The following KCNH8 variants were observed in gnomAD, a reference collection of about 807,000 sequenced individuals.
The protein encoded by KCNH8 is potassium voltage-gated channel subfamily H member 8.
In KCNH8, 70 loss-of-function variants were observed where a neutral mutation model predicts 103.6. The ratio of observed to expected loss-of-function variants is 0.68; its 90% CI spans 0.56 to 0.82. The LOEUF (loss-of-function observed/expected upper bound fraction) is 0.82, where lower values mean the gene tolerates loss of function less well. KCNH8 is among the 40% of genes least tolerant of loss of function. The probability of loss-of-function intolerance (pLI) is 0.00; values close to 1 mark genes in which losing one functional copy is unlikely to be tolerated. For synonymous variants in KCNH8, 498 were observed against 489.4 expected, an observed-to-expected ratio of 1.02 and a Z score of -0.23; for missense variants, 1,217 against 1,329.9, an observed-to-expected ratio of 0.92 and a Z score of 1.32.
At chr3:19,276,985 T>G (rs1333448925) in intron 2 of KCNH8, among the ~76,000 whole-genome samples, 3 of 152,090 alleles carry the variant, frequency 2.0e-5, no homozygotes, top group Non-Finnish European at 4.4e-5. Context: ...GGATAAAGTG[T>G]GATATATATA....
intron 1 of KCNH8, among the ~76,000 whole-genome samples, chr3:19,230,215 T>A (rs2063978446): frequency 6.6e-6 from 1 of 152,192 alleles, no homozygotes; most frequent in Admixed American, 6.5e-5. Context: ...GGAGTACAGT[T>A]CAACATGAGA....
chr3:19,204,998 T>C (rs1209845734), intron 1 of KCNH8, among the ~76,000 whole-genome samples: 5 of 151,998 alleles, frequency 3.3e-5, no homozygotes, highest in Non-Finnish European at 5.9e-5. Flanking sequence ...AGGGGGCATA[T>C]GGTCATACAA....
At position 19,421,788 on chromosome 3, in the gene KCNH8, A is replaced by AT. The variant is rs565618965; in HGVS notation, c.1178-16370dup. On this transcript the variant is annotated intron_variant, in intron 7 of 15. Transcript: ENST00000328405. ...TGCATTTTTAGCCATTGTTAATTTTATTTTTTATTATTTCTACTAAGTCTA... is the reference window on the plus strand; with the variant it reads ...TGCATTTTTAGCCATTGTTAATTTTATTTTTTTATTATTTCTACTAAGTCTA... Among the ~76,000 whole-genome samples, 1,507 of 152,054 alleles carry AT rather than the reference A, an allele frequency of 9.9e-3. 10 individuals are homozygous for AT. Among genetic ancestry groups the AT allele is most frequent in the South Asian group, 0.034 (163 of 4,826 alleles).
chr3:19,482,665 T>A (rs1340119544), intron 11 of KCNH8, among the ~76,000 whole-genome samples: 1 of 152,246 alleles, frequency 6.6e-6, no homozygotes, highest in Non-Finnish European at 1.5e-5. Flanking sequence ...GGCCTTAGGA[T>A]TAAATCCATG....
intron 1 of KCNH8, among the ~76,000 whole-genome samples, chr3:19,230,250 C>T (rs2125237488): frequency 6.6e-6 from 1 of 152,228 alleles, no homozygotes; most frequent in South Asian, 2.1e-4. Flanking sequence ...CAGAGCCAAA[C>T]CATATCAGAT....
intron 5 of KCNH8, among the ~76,000 whole-genome samples, chr3:19,361,946 G>A (rs1461210800): frequency 6.6e-6 from 1 of 152,016 alleles, no homozygotes; most frequent in Non-Finnish European, 1.5e-5. Context: ...TACAAGATCT[G>A]GTTAATTACT....
chr3:19,280,421 C>G (rs890222693), intron 2 of KCNH8, among the ~76,000 whole-genome samples: 1 of 152,102 alleles, frequency 6.6e-6, no homozygotes, highest in African/African-American at 2.4e-5. Context: ...GAATGCCTTT[C>G]TAATCACAAT....
intron 13 of KCNH8, among the ~76,000 whole-genome samples, chr3:19,514,816 G>A (rs2068845896): frequency 6.6e-6 from 1 of 151,848 alleles, no homozygotes; most frequent in African/African-American, 2.4e-5. Context: ...ATTTAGGTCA[G>A]AGGACTTTTG....
At chr3:19,314,874 A>G (rs2125299567) in intron 3 of KCNH8, 1 of 154,310 alleles carries the variant, frequency 6.5e-6, no homozygotes, top group South Asian at 2.0e-4. Context: ...ACTGCACATA[A>G]TCCCATTGAA....
intron 11 of KCNH8, among the ~76,000 whole-genome samples, chr3:19,498,079 C>A (rs1451664987): frequency 6.6e-6 from 1 of 152,112 alleles, no homozygotes; most frequent in Non-Finnish European, 1.5e-5. Context: ...TTCCTGTTTT[C>A]CATTTGCTTG....
rs150144358 is a variant in KCNH8, at chr3:19,463,077, A to G, written c.2040+6095A>G. On this transcript the variant is annotated intron_variant, in intron 11 of 15. Transcript: ENST00000328405. ...TATAACAACTATTTACATAGAATTT[A>G]CATTGTATTAGGTATTATAAGTAAT... Among the ~76,000 whole-genome samples the G allele has an allele frequency of 2.6e-3, 394 of 152,326 alleles. 4 individuals carry two copies. Among genetic ancestry groups the G allele is most frequent in the African/African-American group, 9.0e-3 (376 of 41,590 alleles).
intron 3 of KCNH8, among the ~76,000 whole-genome samples, chr3:19,293,513 C>T (rs531929443): frequency 1.3e-5 from 2 of 152,178 alleles, no homozygotes; most frequent in South Asian, 2.1e-4. Flanking sequence ...TTAGACCTTT[C>T]GATCAGAATC....
intron 11 of KCNH8, among the ~76,000 whole-genome samples, chr3:19,459,546 T>A (rs1025201681): frequency 2.0e-5 from 3 of 152,136 alleles, no homozygotes; most frequent in Non-Finnish European, 4.4e-5. Context: ...TCCCATTCTG[T>A]AGATTGTCTC....
At chr3:19,159,390 A>T (rs1006836552) in intron 1 of KCNH8, among the ~76,000 whole-genome samples, 1 of 151,988 alleles carries the variant, frequency 6.6e-6, no homozygotes, top group Non-Finnish European at 1.5e-5. Context: ...ATGTACATAT[A>T]TTGGAATTTA....
intron 7 of KCNH8, among the ~76,000 whole-genome samples, chr3:19,403,322 ACTTT>A (rs895281607): frequency 6.9e-6 from 1 of 143,988 alleles, no homozygotes; most frequent in Non-Finnish European, 1.5e-5. Context: ...ACAATTACTC[ACTTT>A]CTTCTGTTCC....
intron 3 of KCNH8, among the ~76,000 whole-genome samples, chr3:19,304,617 G>A (rs2125292048): frequency 6.6e-6 from 1 of 152,144 alleles, no homozygotes; most frequent in East Asian, 1.9e-4. Context: ...AAATTAAGTT[G>A]AGGAATCTTC....
Position 19,347,868 on chromosome 3 carries a change from T to G in KCNH8, c.714T>G (p.Thr238=), listed in dbSNP as rs576925691. 10 of 1,613,480 alleles carry G rather than the reference T, an allele frequency of 6.2e-6. No homozygotes were observed. Among genetic ancestry groups the G allele is most frequent in the African/African-American group, 1.3e-5 (1 of 75,022 alleles). ...TGGCAACGTTTTATGTTGCTGTGAC[T>G]GTACCTTACAACGTTTGCTTTATTG... is the stretch of plus-strand genomic sequence containing the variant. ...ILLATFYVAV[T]VPYNVCFIGN... Residue 238 remains threonine, a synonymous_variant, in exon 5 of 16, where the codon ACT becomes ACG. Transcript: ENST00000328405.
chr3:19,501,308 C>G (rs1037383881), intron 11 of KCNH8, among the ~76,000 whole-genome samples: 3 of 152,082 alleles, frequency 2.0e-5, no homozygotes, highest in Non-Finnish European at 4.4e-5. Flanking sequence ...GAAAAAGAGT[C>G]CAGACCAGAT....
chr3:19,204,234 A>G (rs1208626120), intron 1 of KCNH8, among the ~76,000 whole-genome samples: 6 of 152,156 alleles, frequency 3.9e-5, no homozygotes, highest in African/African-American at 1.4e-4. Context: ...TTCCTCTGTC[A>G]TAAGCATGTG....
Sources: allele counts gnomAD v4.1 joint callset (sites outside exome capture counted in the v4.1 genomes callset), GRCh38; gene constraint gnomAD v4.1.1; transcripts MANE v1.5; gene names NCBI Gene and HGNC (gene_info 2026-07-23, HGNC 2026-07-21).